Variants in SIPA1L1 observed in about 807,000 individuals in gnomAD.
SIPA1L1 encodes signal induced proliferation associated 1 like 1, also known as signal-induced proliferation-associated 1-like protein 1.
A neutral mutation model predicts 162.7 loss-of-function variants in SIPA1L1; 26 were observed. The observed-to-expected ratio is 0.16, with a 90% CI of 0.12 to 0.22. The LOEUF (loss-of-function observed/expected upper bound fraction) is 0.22, where lower values mean the gene tolerates loss of function less well. Among genes scored for constraint, SIPA1L1 ranks in the 10% least tolerant of loss-of-function variants. The pLI, the probability that SIPA1L1 is intolerant of heterozygous loss-of-function variation, is 1.00. For synonymous variants in SIPA1L1, 829 were observed against 837.4 expected (o/e 0.99, Z 0.17); for missense variants, 1,874 against 2,241.0 (o/e 0.84, Z 3.31).
chr14:71,366,768 C>T (rs1197326817), intron 2 of SIPA1L1, among the ~76,000 whole-genome samples: 1 of 152,136 alleles, frequency 6.6e-6, no homozygotes, highest in African/African-American at 2.4e-5. Flanking sequence ...AGTCTGTTCT[C>T]TCTTTAAAAG....
At chr14:71,417,498 A>C (rs868834763) in intron 2 of SIPA1L1, among the ~76,000 whole-genome samples, 4 of 146,492 alleles carry the variant, frequency 2.7e-5, no homozygotes, top group Admixed American at 6.9e-5. Context: ...AAAAAAAAAA[A>C]AAAAAGAAAA....
At chr14:71,383,394 A>G (rs745492783) in intron 2 of SIPA1L1, among the ~76,000 whole-genome samples, 5 of 152,200 alleles carry the variant, frequency 3.3e-5, no homozygotes, top group Non-Finnish European at 7.3e-5. Context: ...ATAATTTAAT[A>G]TATTGGAAGA....
intron 12 of SIPA1L1, among the ~76,000 whole-genome samples, chr14:71,673,396 A>G (rs1416880069): frequency 6.6e-6 from 1 of 152,152 alleles, no homozygotes; most frequent in East Asian, 1.9e-4. Context: ...ATTTTCTAAG[A>G]ATTTCTCTTA....
intron 5 of SIPA1L1, among the ~76,000 whole-genome samples, chr14:71,602,948 A>G (rs1190321576): frequency 2.0e-5 from 3 of 152,202 alleles, no homozygotes; most frequent in Non-Finnish European, 2.9e-5. Flanking sequence ...GGTGCCAAAA[A>G]GGTTGGGGAC....
At chr14:71,496,023 T>C (rs1253069294) in intron 2 of SIPA1L1, among the ~76,000 whole-genome samples, 1 of 148,188 alleles carries the variant, frequency 6.7e-6, no homozygotes, top group East Asian at 2.0e-4. Flanking sequence ...TAGTTAGCCA[T>C]GATCTTGCTG....
chr14:71,628,183 G>A (rs1489796709), intron 7 of SIPA1L1, among the ~76,000 whole-genome samples: 1 of 152,116 alleles, frequency 6.6e-6, no homozygotes, highest in African/African-American at 2.4e-5. Flanking sequence ...ATTTAATCAA[G>A]TCAGCTTTTA....
At chr14:71,573,571 G>A (rs771464894) in intron 4 of SIPA1L1, 15 of 456,606 alleles carry the variant, frequency 3.3e-5, no homozygotes, top group South Asian at 2.3e-4. Context: ...AGAGCTCCTG[G>A]GACCTGCTGA....
chr14:71,393,827 A>T (rs2040963497), intron 2 of SIPA1L1, among the ~76,000 whole-genome samples: 1 of 152,242 alleles, frequency 6.6e-6, no homozygotes, highest in African/African-American at 2.4e-5. Context: ...TCTCTAAAAA[A>T]ATAAGAAATA....
intron 6 of SIPA1L1, among the ~76,000 whole-genome samples, chr14:71,622,457 C>G (rs2039550247): frequency 1.3e-5 from 2 of 152,156 alleles, no homozygotes; most frequent in Non-Finnish European, 2.9e-5. Context: ...TAGCTGCTTT[C>G]TATGGCTCAG....
chr14:71,640,902 G>A (rs952547464), intron 7 of SIPA1L1, among the ~76,000 whole-genome samples: 1 of 152,158 alleles, frequency 6.6e-6, no homozygotes, highest in African/African-American at 2.4e-5. Flanking sequence ...TGGGATTACA[G>A]GCATGAGCCA....
At chr14:71,358,817 C>G (rs2037524738) in intron 2 of SIPA1L1, among the ~76,000 whole-genome samples, 1 of 152,078 alleles carries the variant, frequency 6.6e-6, no homozygotes, top group South Asian at 2.1e-4. Context: ...ATGGCTGGAG[C>G]AGGAGGAAGA....
At chr14:71,410,076 T>G (rs2042299067) in intron 2 of SIPA1L1, among the ~76,000 whole-genome samples, 1 of 152,210 alleles carries the variant, frequency 6.6e-6, no homozygotes. Flanking sequence ...TTCATCTGTT[T>G]TGCCTTTGTG....
intron 13 of SIPA1L1, among the ~76,000 whole-genome samples, chr14:71,686,578 C>T (rs1416500117): frequency 6.6e-6 from 1 of 152,096 alleles, no homozygotes; most frequent in African/African-American, 2.4e-5. Context: ...GAGTCTCACT[C>T]TGTCATCCAG....
chr14:71,641,677 G>A (rs1393842070), intron 7 of SIPA1L1, among the ~76,000 whole-genome samples: 2 of 152,112 alleles, frequency 1.3e-5, no homozygotes, highest in Non-Finnish European at 2.9e-5. Flanking sequence ...GAGCCGAGAT[G>A]GAGCCACTGC....
chr14:71,658,550 A>G (rs755261489), intron 9 of SIPA1L1, 114 bp downstream of exon 9: 55 of 718,686 alleles, frequency 7.7e-5, no homozygotes, highest in Non-Finnish European at 1.2e-4. Flanking sequence ...CTGTCACAGC[A>G]GCGGGAAGCT....
chr14:71,543,114 C>G (rs1202182412), intron 4 of SIPA1L1, among the ~76,000 whole-genome samples: 1 of 152,166 alleles, frequency 6.6e-6, no homozygotes, highest in East Asian at 1.9e-4. Context: ...CCAGCACCCA[C>G]TGCCCCATCC....
intron 2 of SIPA1L1, among the ~76,000 whole-genome samples, chr14:71,464,373 C>A (rs1280129641): frequency 1.3e-5 from 2 of 152,174 alleles, no homozygotes; most frequent in Admixed American, 6.5e-5. Flanking sequence ...CCAGGCATGG[C>A]AGCTCACGCC....
At chr14:71,339,858 A>T (rs1229880105) in intron 2 of SIPA1L1, among the ~76,000 whole-genome samples, 1 of 152,184 alleles carries the variant, frequency 6.6e-6, no homozygotes, top group African/African-American at 2.4e-5. Flanking sequence ...AGCCTGTGAG[A>T]TAGACATTAG....
chr14:71,429,244 C>T (rs1350603539), intron 2 of SIPA1L1, among the ~76,000 whole-genome samples: 2 of 152,044 alleles, frequency 1.3e-5, no homozygotes, highest in African/African-American at 4.8e-5. Context: ...GGTTTGAGTG[C>T]CTGTTTCCTC....
Sources: gnomAD v4.1 joint callset for allele counts (sites outside exome capture counted in the v4.1 genomes callset) on GRCh38, gnomAD v4.1.1 for gene constraint, MANE v1.5 for transcripts, NCBI Gene and HGNC (gene_info 2026-07-23, HGNC 2026-07-21) for gene names.